PLPPR5: variants seen among roughly 807,000 people sequenced by gnomAD.
PLPPR5 encodes the protein phospholipid phosphatase related 5, also known as phospholipid phosphatase-related protein type 5.
Under a neutral mutation model 33.9 loss-of-function variants are expected in PLPPR5, and 16 were observed. The observed-to-expected ratio is 0.47, with a 90% CI of 0.32 to 0.72. The LOEUF is 0.72. Ranked by LOEUF, PLPPR5 falls within the 30% of genes least tolerant of loss-of-function variation. The pLI, the probability that PLPPR5 is intolerant of heterozygous loss-of-function variation, is 0.03. For missense variants in PLPPR5, 301 were observed against 406.7 expected, an observed-to-expected ratio of 0.74 and a Z score of 2.23; for synonymous variants, 163 against 150.3, an observed-to-expected ratio of 1.08 and a Z score of -0.62.
chr1:98,939,601 G>A (rs72730338), intron 3 of PLPPR5, among the ~76,000 whole-genome samples: 6,395 of 152,048 alleles, frequency 0.042, 268 homozygotes, highest in South Asian at 0.089. Context: ...CCACTGGCAC[G>A]TGATCCACAC....
At chr1:98,927,293 A>G (rs1256003740) in intron 3 of PLPPR5, among the ~76,000 whole-genome samples, 2 of 152,194 alleles carry the variant, frequency 1.3e-5, no homozygotes, top group Non-Finnish European at 2.9e-5. Context: ...TCTTCTGGAA[A>G]AACAACAGTG....
intron 5 of PLPPR5, among the ~76,000 whole-genome samples, chr1:98,897,488 G>A (rs555505798): frequency 9.2e-5 from 14 of 152,184 alleles, no homozygotes; most frequent in African/African-American, 1.2e-4. Flanking sequence ...TTCTTACATC[G>A]TTAGACCAAA....
chr1:98,956,459 T>C, intron 2 of PLPPR5, 150 bp downstream of exon 2: 1 of 718,662 alleles, frequency 1.4e-6, no homozygotes, highest in Non-Finnish European at 2.1e-6. Context: ...CCAAGCAGTG[T>C]GTAATGTTTA....
At chr1:98,982,587 G>A (rs561037707) in intron 1 of PLPPR5, among the ~76,000 whole-genome samples, 2 of 152,094 alleles carry the variant, frequency 1.3e-5, no homozygotes, top group South Asian at 2.1e-4. Context: ...AACCTCCTCT[G>A]CCTAGCTCGT....
chr1:98,937,260 C>T (rs941460005), intron 3 of PLPPR5, among the ~76,000 whole-genome samples: 2 of 152,172 alleles, frequency 1.3e-5, no homozygotes, highest in African/African-American at 4.8e-5. Flanking sequence ...CATACTCCTG[C>T]CTTCTAAATC....
chr1:98,947,177 T>A (rs1273128783), intron 3 of PLPPR5, among the ~76,000 whole-genome samples: 1 of 152,194 alleles, frequency 6.6e-6, no homozygotes, highest in Non-Finnish European at 1.5e-5. Context: ...AATCAAATAG[T>A]ATATTTATCC....
intron 3 of PLPPR5, among the ~76,000 whole-genome samples, chr1:98,946,424 A>G (rs74110932): frequency 0.18 from 27,549 of 152,102 alleles, 2,641 homozygotes; most frequent in Non-Finnish European, 0.19. Context: ...AGTCTTCCTG[A>G]TTTATTCACC....
At chr1:98,971,134 T>A (rs1032600090) in intron 1 of PLPPR5, among the ~76,000 whole-genome samples, 10 of 152,084 alleles carry the variant, frequency 6.6e-5, no homozygotes, top group Admixed American at 2.0e-4. Context: ...GACTACTACA[T>A]CTTATTTTTA....
intron 1 of PLPPR5, among the ~76,000 whole-genome samples, chr1:98,985,761 T>C (rs777452911): frequency 2.6e-5 from 4 of 152,064 alleles, no homozygotes; most frequent in Admixed American, 6.6e-5. Flanking sequence ...GCTGTACACA[T>C]TGGTACATAG....
intron 4 of PLPPR5, among the ~76,000 whole-genome samples, chr1:98,917,565 TTC>T (rs991238826): frequency 6.6e-5 from 10 of 152,300 alleles, no homozygotes; most frequent in Admixed American, 3.3e-4. Flanking sequence ...TCAAAACACT[TTC>T]TGTTACCTTT....
chr1:98,930,177 A>G (rs1434176506), intron 3 of PLPPR5, among the ~76,000 whole-genome samples: 1 of 152,192 alleles, frequency 6.6e-6, no homozygotes, highest in Non-Finnish European at 1.5e-5. Flanking sequence ...ACAAAAATGA[A>G]GTAGAACCTG....
At chr1:98,980,540 A>C (rs745852250) in intron 1 of PLPPR5, among the ~76,000 whole-genome samples, 1 of 152,144 alleles carries the variant, frequency 6.6e-6, no homozygotes, top group African/African-American at 2.4e-5. Flanking sequence ...TTAATCCTTA[A>C]TAGTATAAAC....
intron 1 of PLPPR5, chr1:98,990,973 A>T (rs1173863524): frequency 6.6e-6 from 1 of 152,206 alleles, no homozygotes; most frequent in Non-Finnish European, 1.5e-5. Context: ...AAAATACGCA[A>T]GACAAATATG....
At chr1:98,932,523 C>T (rs1376787414) in intron 3 of PLPPR5, among the ~76,000 whole-genome samples, 1 of 152,148 alleles carries the variant, frequency 6.6e-6, no homozygotes, top group Admixed American at 6.5e-5. Flanking sequence ...ACAAAATGTA[C>T]AGCAACTCTC....
intron 5 of PLPPR5, among the ~76,000 whole-genome samples, chr1:98,912,858 A>G (rs1476081560): frequency 1.3e-5 from 2 of 152,212 alleles, no homozygotes; most frequent in Non-Finnish European, 2.9e-5. Context: ...ACTGATGATC[A>G]TTAAATGGTA....
At chr1:98,940,346 T>C (rs550665479) in intron 3 of PLPPR5, among the ~76,000 whole-genome samples, 1 of 151,836 alleles carries the variant, frequency 6.6e-6, no homozygotes, top group African/African-American at 2.4e-5. Context: ...CACAATCCCA[T>C]CATGAGGGCC....
chr1:98,984,486 T>C (rs1199854949), intron 1 of PLPPR5, among the ~76,000 whole-genome samples: 1 of 152,066 alleles, frequency 6.6e-6, no homozygotes. Context: ...AAAGTGGCCA[T>C]TATGTAGAAT....
chr1:98,921,847 A>G, intron 4 of PLPPR5, 35 bp downstream of exon 4: 3 of 1,551,516 alleles, frequency 1.9e-6, no homozygotes, highest in Non-Finnish European at 2.6e-6. Context: ...AAGTTAATTA[A>G]AAACCCAATG....
At chr1:98,987,462 A>G (rs1175445854) in intron 1 of PLPPR5, among the ~76,000 whole-genome samples, 2 of 151,902 alleles carry the variant, frequency 1.3e-5, no homozygotes, top group African/African-American at 2.4e-5. Context: ...CAGAAATACC[A>G]TATTTCCCTA....
Sources: gnomAD v4.1 joint callset for allele counts (sites outside exome capture counted in the v4.1 genomes callset) on GRCh38, gnomAD v4.1.1 for gene constraint, MANE v1.5 for transcripts, NCBI Gene and HGNC (gene_info 2026-07-23, HGNC 2026-07-21) for gene names.